Variants in PARD3B observed in about 807,000 individuals in gnomAD.
PARD3B encodes partitioning defective 3 homolog B.
PARD3B carries 103 observed loss-of-function variants against 130.2 expected under a neutral mutation model. The observed-to-expected ratio is 0.79, with a 90% CI of 0.67 to 0.93. The LOEUF is 0.93. Among genes scored for constraint, PARD3B ranks in the 40% least tolerant of loss-of-function variants. The pLI, the probability that PARD3B is intolerant of heterozygous loss-of-function variation, is 0.00. For missense variants in PARD3B, 1,609 were observed against 1,499.2 expected, an observed-to-expected ratio of 1.07 and a Z score of -1.21; for synonymous variants, 583 against 553.2, an observed-to-expected ratio of 1.05 and a Z score of -0.76.
intron 16 of PARD3B, among the ~76,000 whole-genome samples, chr2:205,296,128 G>T (rs1268696158): frequency 1.3e-5 from 2 of 152,134 alleles, no homozygotes; most frequent in Admixed American, 6.5e-5. Context: ...GATCACCATT[G>T]CTTTATGAGC....
At chr2:204,931,127 A>G (rs1256161862) in intron 2 of PARD3B, among the ~76,000 whole-genome samples, 1 of 152,148 alleles carries the variant, frequency 6.6e-6, no homozygotes, top group African/African-American at 2.4e-5. Context: ...ACCTTGAAAG[A>G]TCTTCAAGGA....
chr2:204,815,632 T>A (rs1470661838), intron 2 of PARD3B, among the ~76,000 whole-genome samples: 1 of 152,036 alleles, frequency 6.6e-6, no homozygotes, highest in African/African-American at 2.4e-5. Context: ...TTTCCTCTTA[T>A]CTAATATAGG....
rs2125913380 is a variant in PARD3B at position 205,241,265 on chromosome 2, A to T, written c.2141-4513A>T. Reference sequence around the variant, plus strand: ...ATTAAGCACCTTATGATAATTAGGTAAAATAATGTACATCAATCTTGAATT... The same window carrying T: ...ATTAAGCACCTTATGATAATTAGGTTAAATAATGTACATCAATCTTGAATT... On this transcript the variant is annotated intron_variant, in intron 15 of 22. Transcript: ENST00000406610. This position sits in a 1 kb window ranked among gnomAD's most constrained non-coding sequence, Gnocchi z 4.2. Among the ~76,000 whole-genome samples the T allele has an allele frequency of 6.6e-6, 1 of 152,302 alleles. No individual in the cohort carries two copies. Among genetic ancestry groups the T allele is most frequent in the South Asian group, 2.1e-4 (1 of 4,828 alleles).
intron 21 of PARD3B, among the ~76,000 whole-genome samples, chr2:205,552,528 C>T (rs2052693289): frequency 1.3e-5 from 2 of 152,110 alleles, no homozygotes; most frequent in South Asian, 4.1e-4. Flanking sequence ...CCTGCCTCAG[C>T]CTCCTGAGTA....
At position 205,470,746 on chromosome 2, in the gene PARD3B, A is replaced by G. The variant is rs1470058554; in HGVS notation, c.3045-29150A>G. Among the ~76,000 whole-genome samples the G allele has an allele frequency of 6.6e-6, 1 of 152,184 alleles. No homozygotes were observed. Among genetic ancestry groups the G allele is most frequent in the African/African-American group, 2.4e-5 (1 of 41,444 alleles). On this transcript the variant is annotated intron_variant, in intron 20 of 22. Transcript: ENST00000406610. This position sits in a 1 kb window ranked among gnomAD's most constrained non-coding sequence, Gnocchi z 4.8. ...TGTGGCCACTGCCCCTAGGAGTTGG[A>G]TAGGATCCTCTGTGAGACAGGGCAG...
chr2:204,860,787 C>G (rs2045151225), intron 2 of PARD3B, among the ~76,000 whole-genome samples: 1 of 152,050 alleles, frequency 6.6e-6, no homozygotes, highest in South Asian at 2.1e-4. Context: ...CTCTTTGAAG[C>G]ATTATTTATA....
intron 3 of PARD3B, among the ~76,000 whole-genome samples, chr2:205,045,315 C>G (rs1037071059): frequency 3.0e-4 from 45 of 151,360 alleles, no homozygotes; most frequent in Non-Finnish European, 5.9e-5. Flanking sequence ...GTGGCGCTAT[C>G]TGGGCTCACT....
intron 22 of PARD3B, among the ~76,000 whole-genome samples, chr2:205,608,388 C>T (rs1162560745): frequency 6.6e-6 from 1 of 152,176 alleles, no homozygotes; most frequent in African/African-American, 2.4e-5. Flanking sequence ...ATTTAAGGGG[C>T]CTATCAAGTT....
chr2:204,921,402 C>A (rs530883647), intron 2 of PARD3B, among the ~76,000 whole-genome samples: 1 of 152,118 alleles, frequency 6.6e-6, no homozygotes, highest in East Asian at 1.9e-4. Context: ...AAACAATAGA[C>A]CTTATGTTAG....
At chr2:205,336,575 CCA>C (rs1157141478) in intron 18 of PARD3B, among the ~76,000 whole-genome samples, 1 of 152,214 alleles carries the variant, frequency 6.6e-6, no homozygotes, top group Non-Finnish European at 1.5e-5. Flanking sequence ...TTTCTGGCTT[CCA>C]CAGTCTGGTG....
At chr2:205,104,633 A>G (rs1170044156) in intron 5 of PARD3B, 119 bp downstream of exon 5, 9 of 666,044 alleles carry the variant, frequency 1.4e-5, no homozygotes, top group Non-Finnish European at 1.0e-5. Flanking sequence ...ATGGAGTGCA[A>G]CATGTCCCAA....
chr2:204,746,597 A>G (rs192842412), intron 2 of PARD3B, among the ~76,000 whole-genome samples: 4,195 of 152,258 alleles, frequency 0.028, 180 homozygotes, highest in African/African-American at 0.096. Context: ...CCTCCCACCA[A>G]CGGTGTAAAA....
rs1390596535 is a variant in PARD3B at position 205,341,323 on chromosome 2, A to G, written c.2630+39622A>G. On this transcript the variant is annotated intron_variant, in intron 18 of 22. Transcript: ENST00000406610. This position sits in a 1 kb window ranked among gnomAD's most constrained non-coding sequence, Gnocchi z 4.3. ...TAATGCATCACTGTTCACAATAGCT[A>G]AGATATGGAATCAACCAAAATGTCC... 6.6e-6 allele frequency among the ~76,000 whole-genome samples: 1 copy of G among 152,144 alleles called. No individual in the cohort carries two copies. The highest frequency in any genetic ancestry group is 1.5e-5 in the Non-Finnish European group (1 of 67,996).
intron 18 of PARD3B, among the ~76,000 whole-genome samples, chr2:205,305,882 C>A (rs1054000424): frequency 1.3e-5 from 2 of 151,916 alleles, no homozygotes; most frequent in African/African-American, 4.8e-5. Flanking sequence ...AATAATGACC[C>A]CTGAAGGTGT....
chr2:204,655,253 C>T (rs1021603997), intron 1 of PARD3B, among the ~76,000 whole-genome samples: 2 of 152,192 alleles, frequency 1.3e-5, no homozygotes, highest in Non-Finnish European at 2.9e-5. Context: ...GCATTCAAGG[C>T]TACAGATTGC....
intron 2 of PARD3B, among the ~76,000 whole-genome samples, chr2:204,909,897 G>A (rs927856408): frequency 6.6e-6 from 1 of 152,116 alleles, no homozygotes; most frequent in African/African-American, 2.4e-5. Flanking sequence ...TCTCATGGAA[G>A]AGAAAGGAAG....
chr2:205,348,000 C>G (rs977059136), intron 18 of PARD3B: 4 of 152,226 alleles, frequency 2.6e-5, no homozygotes, highest in East Asian at 3.9e-4. Flanking sequence ...TCTGCTGAGT[C>G]TTGGCCAGCT....
intron 4 of PARD3B, among the ~76,000 whole-genome samples, chr2:205,083,799 A>C (rs1257309815): frequency 2.0e-5 from 3 of 152,044 alleles, no homozygotes; most frequent in Non-Finnish European, 2.9e-5. Context: ...ATGATTGAAT[A>C]TTTTAAACAT....
intron 1 of PARD3B, among the ~76,000 whole-genome samples, chr2:204,573,575 C>T: frequency 6.6e-6 from 1 of 152,120 alleles, no homozygotes; most frequent in East Asian, 1.9e-4. Flanking sequence ...ACATGCCCAG[C>T]TAATACAGGT....
Sources: allele counts gnomAD v4.1 joint callset (sites outside exome capture counted in the v4.1 genomes callset), GRCh38; gene constraint gnomAD v4.1.1; non-coding constraint Gnocchi (gnomAD v3.1); transcripts MANE v1.5; gene names NCBI Gene and HGNC (gene_info 2026-07-23, HGNC 2026-07-21).